The following PLCL2 variants were observed in gnomAD, a reference collection of about 807,000 sequenced individuals.
The protein encoded by PLCL2 is inactive phospholipase C-like protein 2.
In PLCL2, 4 loss-of-function variants were observed where a neutral mutation model predicts 79.6. The observed-to-expected ratio is 0.05, with a 90% CI of 0.02 to 0.11. The LOEUF is 0.11. Ranked by LOEUF, PLCL2 falls within the 10% of genes least tolerant of loss-of-function variation. PLCL2 has a pLI of 1.00. For synonymous variants in PLCL2, 484 were observed against 457.7 expected (o/e 1.06, Z -0.73); for missense variants, 895 against 1,291.0 (o/e 0.69, Z 4.70).
intron 1 of PLCL2, among the ~76,000 whole-genome samples, chr3:16,941,532 G>A (rs1303085016): frequency 6.6e-6 from 1 of 152,152 alleles, no homozygotes; most frequent in African/African-American, 2.4e-5. Flanking sequence ...AGTATGTGCT[G>A]TGAAAATATC....
intron 1 of PLCL2, among the ~76,000 whole-genome samples, chr3:16,982,303 G>A (rs556609447): frequency 1.3e-5 from 2 of 152,110 alleles, no homozygotes; most frequent in Non-Finnish European, 2.9e-5. Context: ...TTTAAAGCAG[G>A]TTTTTAGGAA....
chr3:17,071,512 T>C (rs1394155024), intron 5 of PLCL2, among the ~76,000 whole-genome samples: 1 of 152,202 alleles, frequency 6.6e-6, no homozygotes, highest in Non-Finnish European at 1.5e-5. Flanking sequence ...GAAAAATGTT[T>C]TTAAGTGACC....
intron 1 of PLCL2, among the ~76,000 whole-genome samples, chr3:16,892,710 G>T (rs1696379448): frequency 6.6e-6 from 1 of 152,182 alleles, no homozygotes; most frequent in Non-Finnish European, 1.5e-5. Context: ...GCAGTGCAAG[G>T]ATTGGGTGAA....
chr3:16,989,970 CTAA>C (rs2124994726), intron 1 of PLCL2, among the ~76,000 whole-genome samples: 1 of 152,164 alleles, frequency 6.6e-6, no homozygotes, highest in Admixed American at 6.5e-5. Context: ...CCATTCTCAT[CTAA>C]TAATGATTGC....
chr3:16,961,280 C>A (rs2063752070), intron 1 of PLCL2, among the ~76,000 whole-genome samples: 1 of 152,096 alleles, frequency 6.6e-6, no homozygotes, highest in Non-Finnish European at 1.5e-5. Context: ...TGCACATTTC[C>A]ATATATTCTA....
rs984161404 is a variant in PLCL2 at position 16,887,438 on chromosome 3, A to G, written c.327+2072A>G. On this transcript the variant is annotated intron_variant, in intron 1 of 5. Transcript: ENST00000615277. This position sits in a 1 kb window ranked among gnomAD's most constrained non-coding sequence, Gnocchi z 4.1. ...ACCAGTCCCATATTTTGTTCATTGT[A>G]TTGTACCTCCAAAGAAGGCTTGACA... Among the ~76,000 whole-genome samples the G allele has an allele frequency of 3.9e-5, 6 of 152,180 alleles. No homozygotes were observed. The highest frequency in any genetic ancestry group is 7.2e-5 in the African/African-American group (3 of 41,444).
intron 4 of PLCL2, among the ~76,000 whole-genome samples, chr3:17,060,072 G>A (rs936879690): frequency 3.7e-4 from 56 of 152,144 alleles, no homozygotes; most frequent in Admixed American, 3.6e-3. Context: ...AATGAAGTGA[G>A]GAGGGTCTTG....
intron 2 of PLCL2, among the ~76,000 whole-genome samples, chr3:17,014,359 C>G (rs1224002462): frequency 1.3e-5 from 2 of 151,978 alleles, no homozygotes; most frequent in African/African-American, 4.8e-5. Context: ...AAATCTTTAC[C>G]CTCTTTGAAT....
chr3:16,982,606 A>G (rs2064010707), intron 1 of PLCL2, among the ~76,000 whole-genome samples: 3 of 152,236 alleles, frequency 2.0e-5, no homozygotes, highest in African/African-American at 4.8e-5. Flanking sequence ...CTGATTTGAT[A>G]TAGTACGTAG....
At chr3:16,905,612 T>C (rs1696732379) in intron 1 of PLCL2, among the ~76,000 whole-genome samples, 1 of 152,244 alleles carries the variant, frequency 6.6e-6, no homozygotes, top group South Asian at 2.1e-4. Context: ...AATGATGAAA[T>C]TGTATACCAA....
intron 1 of PLCL2, among the ~76,000 whole-genome samples, chr3:16,930,553 G>A (rs1462907621): frequency 6.6e-6 from 1 of 152,056 alleles, no homozygotes; most frequent in African/African-American, 2.4e-5. Flanking sequence ...AAACTCCTAG[G>A]GTTTTACCAC....
chr3:17,024,469 T>A (rs2064492170), intron 3 of PLCL2, among the ~76,000 whole-genome samples: 1 of 152,156 alleles, frequency 6.6e-6, no homozygotes, highest in South Asian at 2.1e-4. Context: ...TTAAAAAAAG[T>A]TTTTATAGCA....
chr3:16,914,395 AAG>A (rs993386848), intron 1 of PLCL2, among the ~76,000 whole-genome samples: 13 of 152,216 alleles, frequency 8.5e-5, no homozygotes, highest in Admixed American at 2.6e-4. Context: ...TTCTAAAAGA[AAG>A]AAAGTTTTCA....
chr3:16,963,942 G>A (rs1203506352), intron 1 of PLCL2, among the ~76,000 whole-genome samples: 1 of 152,152 alleles, frequency 6.6e-6, no homozygotes, highest in East Asian at 1.9e-4. Flanking sequence ...CTCAGACATT[G>A]TAGTCAGTCA....
intron 1 of PLCL2, among the ~76,000 whole-genome samples, chr3:16,902,742 G>A (rs140475104): frequency 0.024 from 3,570 of 150,548 alleles, 75 homozygotes; most frequent in African/African-American, 0.053. Flanking sequence ...CAGGAGAATC[G>A]CTTGAACCCA....
intron 4 of PLCL2, among the ~76,000 whole-genome samples, chr3:17,047,472 T>G (rs577847299): frequency 6.6e-6 from 1 of 152,328 alleles, no homozygotes; most frequent in East Asian, 1.9e-4. Context: ...TCCACACCTC[T>G]TTAAATGGAA....
rs549396206 is a variant in PLCL2, at chr3:16,959,629, C to T, written c.328-50045C>T. Among the ~76,000 whole-genome samples the T allele has an allele frequency of 3.3e-5, 5 of 152,184 alleles. No individual in the cohort carries two copies. The South Asian group carries it at 6.2e-4, about 19-fold the overall frequency. ...CCATGCTCTTTTCTATCAATATGTT[C>T]CCCCTTGGAGAGTTCTCACAAGCAG... On this transcript the variant is annotated intron_variant, in intron 1 of 5. Transcript: ENST00000615277.
At chr3:16,977,855 A>C (rs2063942675) in intron 1 of PLCL2, among the ~76,000 whole-genome samples, 2 of 152,250 alleles carry the variant, frequency 1.3e-5, no homozygotes, top group Non-Finnish European at 2.9e-5. Context: ...CAATAGATTT[A>C]GCAGAGGTTA....
intron 3 of PLCL2, among the ~76,000 whole-genome samples, chr3:17,019,589 G>T (rs2064425471): frequency 6.6e-6 from 1 of 152,070 alleles, no homozygotes; most frequent in Admixed American, 6.6e-5. Flanking sequence ...TTATTCATGT[G>T]GGGCTCTTGA....
Sources: gnomAD v4.1 joint callset for allele counts (sites outside exome capture counted in the v4.1 genomes callset) on GRCh38, gnomAD v4.1.1 for gene constraint, Gnocchi (gnomAD v3.1) non-coding constraint, MANE v1.5 for transcripts, NCBI Gene and HGNC (gene_info 2026-07-23, HGNC 2026-07-21) for gene names.